FAT3: variants seen among roughly 807,000 people sequenced by gnomAD.
FAT3 encodes the protein FAT atypical cadherin 3, also known as protocadherin Fat 3.
FAT3 carries 95 observed loss-of-function variants against 310.2 expected under a neutral mutation model. That is an observed-to-expected ratio of 0.31 (90% CI 0.26 to 0.36). FAT3 has a LOEUF of 0.36. Among genes scored for constraint, FAT3 ranks in the 10% least tolerant of loss-of-function variants. The probability of loss-of-function intolerance (pLI) is 1.00; values close to 1 mark genes in which losing one functional copy is unlikely to be tolerated. For synonymous variants in FAT3, 2,314 were observed against 2,192.9 expected (o/e 1.06, Z -1.54); for missense variants, 5,408 against 5,715.6 (o/e 0.95, Z 1.74).
intron 2 of FAT3, among the ~76,000 whole-genome samples, chr11:92,449,016 C>T (rs189179706): frequency 1.9e-3 from 294 of 152,152 alleles, no homozygotes; most frequent in African/African-American, 6.6e-3. Flanking sequence ...CTTGTGTTGC[C>T]GATTCAGCCA....
intron 22 of FAT3, among the ~76,000 whole-genome samples, chr11:92,873,651 A>C (rs1367852657): frequency 1.3e-5 from 2 of 152,212 alleles, no homozygotes; most frequent in African/African-American, 4.8e-5. Flanking sequence ...TTTGCATTTA[A>C]TATGTTTTGC....
At chr11:92,685,754 A>T (rs1021153130) in intron 3 of FAT3, among the ~76,000 whole-genome samples, 1 of 152,094 alleles carries the variant, frequency 6.6e-6, no homozygotes, top group African/African-American at 2.4e-5. Context: ...AGTGAATAAA[A>T]ATATGGTTGC....
intron 1 of FAT3, among the ~76,000 whole-genome samples, chr11:92,308,460 A>G (rs1296900432): frequency 1.3e-5 from 2 of 152,176 alleles, no homozygotes; most frequent in Admixed American, 6.5e-5. Flanking sequence ...TTGATTGTGA[A>G]ATGAAATCAA....
chr11:92,575,766 T>C (rs1938449596), intron 3 of FAT3, among the ~76,000 whole-genome samples: 1 of 152,244 alleles, frequency 6.6e-6, no homozygotes, highest in East Asian at 1.9e-4. Flanking sequence ...GGTCTTTTTT[T>C]TGTTTGTTTT....
At position 92,624,156 on chromosome 11, in the gene FAT3, GTAAC is replaced by G. The variant is rs1457130173; in HGVS notation, c.3608-73224_3608-73221del. Reference sequence around the variant, plus strand: ...ACTACTATGGGAGCAGTTCAAGAAAGTAACTAAGCCCTACTGGAGTCAGGGAAAG... The same window carrying G: ...ACTACTATGGGAGCAGTTCAAGAAAGTAAGCCCTACTGGAGTCAGGGAAAG... On this transcript the variant is annotated intron_variant, in intron 3 of 27. Transcript: ENST00000525166. Among the ~76,000 whole-genome samples, 3 of 152,282 alleles carry G rather than the reference GTAAC, an allele frequency of 2.0e-5. No individual in the cohort carries two copies. In the East Asian group the frequency reaches 5.8e-4, roughly 30 times the overall value.
chr11:92,705,592 ATG>A (rs1944284756), intron 4 of FAT3, among the ~76,000 whole-genome samples: 3 of 2,650 alleles, frequency 1.1e-3, no homozygotes, highest in Admixed American at 5.0e-3. Flanking sequence ...TGGTGGTGTG[ATG>A]TGGTGGTGTG....
chr11:92,260,628 A>G (rs1865509314), intron 1 of FAT3, among the ~76,000 whole-genome samples: 1 of 152,140 alleles, frequency 6.6e-6, no homozygotes. Context: ...GAACTAATTC[A>G]GGACTCATGA....
chr11:92,675,973 C>T (rs924562360), intron 3 of FAT3, among the ~76,000 whole-genome samples: 1 of 152,058 alleles, frequency 6.6e-6, no homozygotes, highest in Non-Finnish European at 1.5e-5. Flanking sequence ...TTGTTTTCAT[C>T]CTGAGACTGT....
In FAT3 at chr11:92,703,935, C is replaced by G. The variant is rs75800447; in HGVS notation, c.3669+6490C>G. ...TAATTCGTATATTCCTAACTGTGCT[C>G]TCACGTTATATAGATACAGAAACTG... On this transcript the variant is annotated intron_variant, in intron 4 of 27. Coordinates refer to ENST00000525166, the MANE Select transcript of FAT3 (RefSeq NM_001367949.2). Among the ~76,000 whole-genome samples the G allele has an allele frequency of 4.9e-3, 742 of 152,258 alleles. 7 individuals carry two copies. Among genetic ancestry groups the G allele is most frequent in the African/African-American group, 0.017 (694 of 41,544 alleles).
chr11:92,889,509 T>C (rs1044042245), intron 26 of FAT3, among the ~76,000 whole-genome samples: 4 of 152,220 alleles, frequency 2.6e-5, no homozygotes, highest in Non-Finnish European at 5.9e-5. Flanking sequence ...TCCAGATTAA[T>C]ACTAAATTTA....
At chr11:92,447,769 A>G (rs997253603) in intron 2 of FAT3, among the ~76,000 whole-genome samples, 8 of 152,146 alleles carry the variant, frequency 5.3e-5, no homozygotes, top group African/African-American at 1.9e-4. Context: ...TGGAAGAAGA[A>G]GTGGAACGAG....
chr11:92,357,998 TA>T lies in FAT3; in HGVS notation c.3292+2610del, dbSNP rs1324054781. On this transcript the variant is annotated intron_variant, in intron 2 of 27. Transcript: ENST00000525166. ...AGCTTGGTCAGTATGGTGGAATTCC[TA>T]AAAAAAAAAAAAAAATACAGAAAAT... Among the ~76,000 whole-genome samples the T allele has an allele frequency of 6.2e-3, 747 of 120,264 alleles. 2 individuals are homozygous for T. Among genetic ancestry groups the T allele is most frequent in the African/African-American group, 0.012 (326 of 26,136 alleles). 78.9% of individuals were successfully genotyped at this position (120,264 alleles called of 152,430 possible).
At chr11:92,785,199 G>C (rs1335892718) in intron 7 of FAT3, among the ~76,000 whole-genome samples, 1 of 152,000 alleles carries the variant, frequency 6.6e-6, no homozygotes, top group Non-Finnish European at 1.5e-5. Context: ...TGATAGTGCA[G>C]CCATTTATGC....
chr11:92,614,987 G>C (rs1270323032), intron 3 of FAT3, among the ~76,000 whole-genome samples: 1 of 152,068 alleles, frequency 6.6e-6, no homozygotes, highest in African/African-American at 2.4e-5. Context: ...CTGCTGAATT[G>C]TCTTAGCACC....
chr11:92,663,401 G>A (rs1942852536), intron 3 of FAT3, among the ~76,000 whole-genome samples: 1 of 152,150 alleles, frequency 6.6e-6, no homozygotes, highest in African/African-American at 2.4e-5. Context: ...AGATTACTAA[G>A]CAGAATCAGA....
At position 92,880,721 on chromosome 11, in the gene FAT3, G is replaced by C. The variant is rs769553377; in HGVS notation, c.12128-10G>C. On this transcript the variant is annotated splice_polypyrimidine_tract_variant and intron_variant, in intron 22 of 27. Transcript: ENST00000525166. ...GCATCCATGGCTCATGAGGTCCTCT[G>C]TTTCCCCAGGCTATCAGTGTACCTG... 7 of 1,610,862 alleles carry C rather than the reference G, an allele frequency of 4.3e-6. No individual in the cohort carries two copies. Among genetic ancestry groups the C allele is most frequent in the Non-Finnish European group, 5.9e-6 (7 of 1,178,492 alleles).
At chr11:92,624,982 G>A (rs908813129) in intron 3 of FAT3, among the ~76,000 whole-genome samples, 1 of 152,040 alleles carries the variant, frequency 6.6e-6, no homozygotes, top group African/African-American at 2.4e-5. Flanking sequence ...CCTTTTATTA[G>A]AACACCAGTA....
chr11:92,488,011 A>G (rs1021614029), intron 2 of FAT3, among the ~76,000 whole-genome samples: 1 of 152,180 alleles, frequency 6.6e-6, no homozygotes, highest in African/African-American at 2.4e-5. Context: ...GAAAATAGCA[A>G]AGGTGATGGG....
In FAT3 at chr11:92,354,244, G is replaced by A; in HGVS notation, c.2132G>A (p.Gly711Glu). 1.2e-6 allele frequency: 2 copies of A among 1,613,670 alleles called. No individual in the cohort carries two copies. The highest frequency in any genetic ancestry group is 2.2e-5 in the South Asian group (2 of 91,068). Residue 711 changes from glycine to glutamate, a missense_variant, in exon 2 of 28, where the codon GGA becomes GAA. By Grantham distance (98) the Gly-to-Glu change is moderately conservative (BLOSUM62 -2). Around this residue, in one of 5 missense-constraint regions of FAT3, gnomAD observed 4,588 missense variants for 4,809.8 expected, o/e 0.95. Coordinates refer to ENST00000525166, the MANE Select transcript of FAT3 (RefSeq NM_001367949.2). The stretch of plus-strand genomic sequence containing the variant: ...AATGGGAAACTGAATCTGGAAGATG[G>A]ATTTCTTGACTTTTATTCAATTAAT... ...KANGKLNLED[G>E]FLDFYSINRQ...
Sources: gnomAD v4.1 joint callset for allele counts (sites outside exome capture counted in the v4.1 genomes callset) on GRCh38, gnomAD v4.1.1 for gene constraint, gnomAD v4.1.1 regional missense constraint, MANE v1.5 for transcripts, NCBI Gene and HGNC (gene_info 2026-07-23, HGNC 2026-07-21) for gene names.